CUL9: variants seen among roughly 807,000 people sequenced by gnomAD.
The protein encoded by CUL9 is cullin 9.
CUL9 carries 79 observed loss-of-function variants against 272.6 expected under a neutral mutation model. That is an observed-to-expected ratio of 0.29 (90% CI 0.24 to 0.35). The LOEUF (loss-of-function observed/expected upper bound fraction) is 0.35, where lower values mean the gene tolerates loss of function less well. Ranked by LOEUF, CUL9 falls within the 10% of genes least tolerant of loss-of-function variation. The pLI is 1.00. For missense variants in CUL9, 2,532 were observed against 3,255.6 expected (o/e 0.78, Z 5.41); for synonymous variants, 1,186 against 1,286.5 (o/e 0.92, Z 1.67).
At chr6:43,183,082 C>G (rs1183634022) in intron 1 of CUL9, among the ~76,000 whole-genome samples, 1 of 152,182 alleles carries the variant, frequency 6.6e-6, no homozygotes, top group Non-Finnish European at 1.5e-5. Flanking sequence ...AGGAAACAAG[C>G]TCAGAGGTTA....
intron 26 of CUL9, among the ~76,000 whole-genome samples, chr6:43,210,257 T>C (rs1258059757): frequency 6.6e-6 from 1 of 152,210 alleles, no homozygotes; most frequent in African/African-American, 2.4e-5. Flanking sequence ...ACTACAGGCG[T>C]GAGCCACCAT....
In CUL9 at chr6:43,196,765, G is replaced by A. The variant is rs763394588; in HGVS notation, c.2706G>A (p.Gly902=). ...GAGACACGTTGTTTAGGCACTCAGG[G>A]ATAGCACCAAGAACAGAACCTATGC... ...ELRDTLFRHS[G]IAPRTEPMPT... Residue 902 remains glycine, a synonymous_variant, in exon 11 of 41, where the codon GGG becomes GGA. Transcript: ENST00000252050. The A allele has an allele frequency of 6.2e-7, 1 of 1,614,156 alleles. No homozygotes were observed. The highest frequency in any genetic ancestry group is 8.5e-7 in the Non-Finnish European group (1 of 1,180,024).
Position 43,220,953 on chromosome 6 carries a change from C to T in CUL9, c.6588+42C>T, listed in dbSNP as rs972255994. On this transcript the variant is annotated intron_variant, in intron 33 of 40. Coordinates refer to ENST00000252050, the MANE Select transcript of CUL9 (RefSeq NM_015089.4). This position sits in a 1 kb window ranked among gnomAD's most constrained non-coding sequence, Gnocchi z 4.9. ...GGCCCTGACCCTGAGCAAGGATTCA[C>T]ACTCCTTCCCTGCTTAATATCCCCA... The T allele has an allele frequency of 2.2e-5, 34 of 1,546,696 alleles. No homozygotes were observed. The highest frequency in any genetic ancestry group is 2.9e-5 in the Non-Finnish European group (33 of 1,142,762).
At position 43,221,033 on chromosome 6, in the gene CUL9, T is replaced by C; in HGVS notation, c.6588+122T>C. Reference sequence around the variant, plus strand: ...CCTTCCTCAGCCTCTGCCACCCAGTTGAGCTCTGTTCCTCTTCCTGGAGCC... The same window carrying C: ...CCTTCCTCAGCCTCTGCCACCCAGTCGAGCTCTGTTCCTCTTCCTGGAGCC... On this transcript the variant is annotated intron_variant, in intron 33 of 40. Transcript: ENST00000252050. The surrounding 1 kb of genome is among the most constrained non-coding windows in gnomAD (Gnocchi z 4.2). The C allele has an allele frequency of 6.9e-7, 1 of 1,457,054 alleles. No homozygotes were observed. Among genetic ancestry groups the C allele is most frequent in the Non-Finnish European group, 9.2e-7 (1 of 1,084,658 alleles). 90.3% of individuals were successfully genotyped at this position (1,457,054 alleles called of 1,614,324 possible). A position where few individuals can be genotyped will look rare whatever the true frequency, so the allele number is the denominator to read the frequency against.
chr6:43,200,535 C>T lies in CUL9; in HGVS notation c.3475+9C>T, dbSNP rs369235680. 1.2e-6 allele frequency: 2 copies of T among 1,614,168 alleles called. No homozygotes were observed. Among genetic ancestry groups the T allele is most frequent in the Non-Finnish European group, 1.7e-6 (2 of 1,180,030 alleles). On this transcript the variant is annotated intron_variant, in intron 15 of 40. Coordinates refer to ENST00000252050, the MANE Select transcript of CUL9 (RefSeq NM_015089.4). This position sits in a 1 kb window ranked among gnomAD's most constrained non-coding sequence, Gnocchi z 4.0. Reference sequence around the variant, plus strand: ...CAGGCATCTCTGCCAGGGTTAGTGCCCTCATCTGCTTTCTCCTGGCTCCCA... The same window carrying T: ...CAGGCATCTCTGCCAGGGTTAGTGCTCTCATCTGCTTTCTCCTGGCTCCCA...
At chr6:43,191,114 A>G (rs757138837) in intron 8 of CUL9, among the ~76,000 whole-genome samples, 1 of 151,702 alleles carries the variant, frequency 6.6e-6, no homozygotes, top group Non-Finnish European at 1.5e-5. Context: ...ATTTTCCTAT[A>G]TTTTCCAAAA....
At position 43,187,393 on chromosome 6, in the gene CUL9, G is replaced by A; in HGVS notation, c.1535G>A (p.Cys512Tyr). The change falls in exon 6 of 41, where the codon TGT becomes TAT. Residue 512 changes from cysteine to tyrosine, a missense_variant. Cys to Tyr is a radical substitution (Grantham distance 194, BLOSUM62 -2). Around this residue, in one of 3 missense-constraint regions of CUL9, gnomAD observed 2,218 missense variants for 2,788.6 expected, o/e 0.80. Transcript: ENST00000252050. Reference protein sequence around the residue: ...LLFFIKKLDLCEQQPIFQNLW... With the variant: ...LLFFIKKLDLYEQQPIFQNLW... ...TTCTTTATCAAAAAGTTGGACTTGT[G>A]TGAGCAGCAGCCAATTTTCCAGAAT... The A allele has an allele frequency of 6.2e-7, 1 of 1,614,062 alleles. No homozygotes were observed. Among genetic ancestry groups the A allele is most frequent in the Non-Finnish European group, 8.5e-7 (1 of 1,179,968 alleles).
rs1775093442 is a variant in CUL9, at chr6:43,206,954, C to T, written c.5212+444C>T. The stretch of plus-strand genomic sequence containing the variant: ...CTACCTCCCGGGTTCAAGCGATTCT[C>T]CTGTCTCAGCCTCCCAAGTAGCTGG... On this transcript the variant is annotated intron_variant, in intron 26 of 40. Coordinates refer to ENST00000252050, the MANE Select transcript of CUL9 (RefSeq NM_015089.4). The surrounding 1 kb of genome is among the most constrained non-coding windows in gnomAD (Gnocchi z 4.8). Among the ~76,000 whole-genome samples the T allele has an allele frequency of 2.0e-5, 3 of 152,152 alleles. No individual in the cohort carries two copies.
At position 43,190,285 on chromosome 6, in the gene CUL9, A is replaced by C. The variant is rs145036989; in HGVS notation, c.2180+1570A>C. On this transcript the variant is annotated intron_variant, in intron 8 of 40. Transcript: ENST00000252050. The stretch of plus-strand genomic sequence containing the variant: ...TTCTGGTAAAGTTAGGCACATTTGC[A>C]TACATTTGTTCTGTTTTTTTTTTTC... Among the ~76,000 whole-genome samples, 4 of 147,602 alleles carry C rather than the reference A, an allele frequency of 2.7e-5. No individual in the cohort carries two copies. In the East Asian group the frequency reaches 6.1e-4, roughly 22 times the overall value.
chr6:43,221,777 T>C lies in CUL9; in HGVS notation c.6845T>C (p.Met2282Thr). The C allele has an allele frequency of 6.2e-7, 1 of 1,611,246 alleles. No homozygotes were observed. The change falls in exon 35 of 41, where the codon ATG becomes ACG. Residue 2282 changes from methionine (M) to threonine (T), a missense_variant and splice_region_variant. By Grantham distance (81) the Met-to-Thr change is moderately conservative. This residue lies in a region of CUL9 where 237 missense variants were observed against 305.9 expected (regional missense o/e 0.77). Transcript: ENST00000252050. This position sits in a 1 kb window ranked among gnomAD's most constrained non-coding sequence, Gnocchi z 4.2. ...NHKDYYNCSA[M>T]VSKAARQEKR... ...AAAGACTATTACAACTGCTCTGCCA[T>C]GGTAAGGCGCTGGGCACTAGGGGAG...
At position 43,217,234 on chromosome 6, in the gene CUL9, A is replaced by G. The variant is rs144995977; in HGVS notation, c.6282+731A>G. 4.5e-3 allele frequency among the ~76,000 whole-genome samples: 679 copies of G among 152,204 alleles called. 4 individuals carry two copies. The highest frequency in any genetic ancestry group is 0.015 in the African/African-American group (636 of 41,536). Reference sequence around the variant, plus strand: ...AAGATGGGCATGGTGGTGCACACCTATAGTCCCAGCTACTTGGGAGGCTGA... The same window carrying G: ...AAGATGGGCATGGTGGTGCACACCTGTAGTCCCAGCTACTTGGGAGGCTGA... On this transcript the variant is annotated intron_variant, in intron 31 of 40. Transcript: ENST00000252050.
chr6:43,222,577 T>G lies in CUL9; in HGVS notation c.6968T>G (p.Val2323Gly), dbSNP rs750686446. 1.2e-6 allele frequency: 2 copies of G among 1,613,658 alleles called. No homozygotes were observed. The highest frequency in any genetic ancestry group is 1.7e-6 in the Non-Finnish European group (2 of 1,180,020). ...LRNRVSAIHE[V>G]PPPRSFTFLN... ...AACCGGGTGTCTGCCATCCATGAAG[T>G]GCCCCCGCCCAGATCCTTCACCTTC... The change falls in exon 37 of 41, where the codon GTG (valine) becomes GGG (glycine). Residue 2323 changes from valine (V) to glycine (G), a missense_variant. Transcript: ENST00000252050.
rs1179147406 is a variant in CUL9, at chr6:43,222,512, T to G, written c.6922-19T>G. ...GCTGCGCCACCTGTGCTGGTACTGATACACCTTCCTCCACACAGGAGTTTG... is the reference window on the plus strand; with the variant it reads ...GCTGCGCCACCTGTGCTGGTACTGAGACACCTTCCTCCACACAGGAGTTTG... On this transcript the variant is annotated intron_variant, in intron 36 of 40. Transcript: ENST00000252050. 6.2e-7 allele frequency: 1 copy of G among 1,613,442 alleles called. No individual in the cohort carries two copies. Among genetic ancestry groups the G allele is most frequent in the Non-Finnish European group, 8.5e-7 (1 of 1,179,576 alleles).
In CUL9 at chr6:43,199,415, TG is replaced by T; in HGVS notation, c.3156+48del. 1 of 1,485,200 alleles carries T rather than the reference TG, an allele frequency of 6.7e-7. No homozygotes were observed. The highest frequency in any genetic ancestry group is 9.4e-7 in the Non-Finnish European group (1 of 1,064,294). The allele number at this position is 1,485,200 out of a possible 1,614,324, so 92.0% of individuals were successfully genotyped here. ...GGAGAAGAGAGGGAAGGGCAGCATCTGGGGCACCAACTCCTTGTGAGGCTCT... is the reference window on the plus strand; with the variant it reads ...GGAGAAGAGAGGGAAGGGCAGCATCTGGGCACCAACTCCTTGTGAGGCTCT... On this transcript the variant is annotated intron_variant, in intron 13 of 40. Transcript: ENST00000252050. This position sits in a 1 kb window ranked among gnomAD's most constrained non-coding sequence, Gnocchi z 4.4.
Position 43,200,262 on chromosome 6 carries a change from C to CA in CUL9, c.3384+109dup, listed in dbSNP as rs2150571838. 6.9e-7 allele frequency: 1 copy of CA among 1,445,760 alleles called. No homozygotes were observed. The highest frequency in any genetic ancestry group is 2.0e-5 in the Admixed American group (1 of 51,240). 89.6% of individuals were successfully genotyped at this position (1,445,760 alleles called of 1,614,324 possible). On this transcript the variant is annotated intron_variant, in intron 14 of 40. Transcript: ENST00000252050. This position sits in a 1 kb window ranked among gnomAD's most constrained non-coding sequence, Gnocchi z 4.0. ...TATCCCTGTTTGGCACAGGTTGTAG[C>CA]AAATCTGGGGCACTTGTTTCCTAAC... is the stretch of plus-strand genomic sequence containing the variant.
chr6:43,222,220 T>A (rs1776425262), intron 35 of CUL9, 96 bp from the exon 36 acceptor site: 1 of 898,376 alleles, frequency 1.1e-6, no homozygotes, highest in Admixed American at 1.8e-5. Context: ...TCGGGGGAGG[T>A]GTAGAAAGGC....
intron 26 of CUL9, among the ~76,000 whole-genome samples, chr6:43,210,333 T>G (rs1390726011): frequency 1.3e-5 from 2 of 152,180 alleles, no homozygotes; most frequent in African/African-American, 4.8e-5. Flanking sequence ...TGTGATTAGA[T>G]TCAGGTTATG....
rs761705914 is a variant in CUL9, at chr6:43,186,434, C to T, written c.1230C>T (p.Asn410=). The T allele has an allele frequency of 3.8e-6, 6 of 1,596,756 alleles. No homozygotes were observed. Among genetic ancestry groups the T allele is most frequent in the Non-Finnish European group, 5.1e-6 (6 of 1,167,558 alleles). Residue 410 remains asparagine (N), a synonymous_variant, in exon 4 of 41, where the codon AAC becomes AAT. Transcript: ENST00000252050. ...ACGAGGGCGAGTTCCGGCAGAGCAA[C>T]AACGGCATTCCCCCTGTGCAGGTGG... The part of the protein sequence containing the change: ...AGDEGEFRQS[N]NGIPPVQVFW...
At position 43,196,108 on chromosome 6, in the gene CUL9, C is replaced by G. The variant is rs1312470806; in HGVS notation, c.2428C>G (p.Pro810Ala). The G allele has an allele frequency of 3.1e-6, 5 of 1,613,884 alleles. No individual in the cohort carries two copies. The highest frequency in any genetic ancestry group is 4.2e-6 in the Non-Finnish European group (5 of 1,179,884). ...GGCCGTCGCCAGCTCCTCGGAGATCCCCACTTTTGTTACTGGCCGAGATTC... is the reference window on the plus strand; with the variant it reads ...GGCCGTCGCCAGCTCCTCGGAGATCGCCACTTTTGTTACTGGCCGAGATTC... ...MLAVASSSEI[P>A]TFVTGRDSIH... Residue 810 changes from proline to alanine, a missense_variant, in exon 10 of 41, where the codon CCC (proline) becomes GCC (alanine). Pro to Ala is a conservative substitution (Grantham distance 27). Coordinates refer to ENST00000252050, the MANE Select transcript of CUL9 (RefSeq NM_015089.4).
Sources: allele counts gnomAD v4.1 joint callset (sites outside exome capture counted in the v4.1 genomes callset), GRCh38; gene constraint gnomAD v4.1.1; regional missense constraint gnomAD v4.1.1; non-coding constraint Gnocchi (gnomAD v3.1); transcripts MANE v1.5; gene names NCBI Gene and HGNC (gene_info 2026-07-23, HGNC 2026-07-21).